The following CFI variants were observed in gnomAD, a reference collection of about 807,000 sequenced individuals.
CFI encodes the protein C3B/C4B inactivator.
A neutral mutation model predicts 78.8 loss-of-function variants in CFI; 66 were observed. The ratio of observed to expected loss-of-function variants is 0.84; its 90% CI spans 0.69 to 1.03. The LOEUF (loss-of-function observed/expected upper bound fraction) is 1.03. Ranked by LOEUF, CFI falls within the 50% of genes least tolerant of loss-of-function variation. CFI has a pLI of 0.00. For missense variants in CFI, 706 were observed against 704.5 expected, an observed-to-expected ratio of 1.00 and a Z score of -0.02; for synonymous variants, 250 against 232.6, an observed-to-expected ratio of 1.07 and a Z score of -0.68.
At chr4:109,790,881 C>T (rs537497000) in intron 1 of CFI, among the ~76,000 whole-genome samples, 12 of 152,144 alleles carry the variant, frequency 7.9e-5, no homozygotes, top group African/African-American at 2.4e-4. Flanking sequence ...CATGTCTTTG[C>T]TATTGTGAAT....
intron 5 of CFI, 56 bp from the exon 6 acceptor site, chr4:109,760,436 C>T (rs1056423109): frequency 1.0e-5 from 15 of 1,503,438 alleles, no homozygotes; most frequent in Non-Finnish European, 4.6e-6. Context: ...GAATGAGGTA[C>T]AATATAAAAT....
intron 1 of CFI, among the ~76,000 whole-genome samples, chr4:109,773,170 C>G (rs1313804055): frequency 6.6e-6 from 1 of 152,128 alleles, no homozygotes; most frequent in Non-Finnish European, 1.5e-5. Context: ...AATGCAGGGC[C>G]AACACATGTA....
At chr4:109,754,513 G>A (rs765485963) in intron 7 of CFI, among the ~76,000 whole-genome samples, 17 of 149,246 alleles carry the variant, frequency 1.1e-4, no homozygotes, top group African/African-American at 2.5e-4. Flanking sequence ...ACATTTCTGT[G>A]TTCTAGATTT....
chr4:109,791,737 G>T (rs754372567), intron 1 of CFI, among the ~76,000 whole-genome samples: 14 of 152,116 alleles, frequency 9.2e-5, no homozygotes, highest in Admixed American at 5.2e-4. Context: ...ATTTGTAGAA[G>T]ATCAGATACT....
At chr4:109,737,337 G>T (rs1298272662), downstream of CFI, among the ~76,000 whole-genome samples, 1 of 152,066 alleles carries the variant, frequency 6.6e-6, no homozygotes, top group Non-Finnish European at 1.5e-5. Context: ...ACACTGCAGG[G>T]CCTTTGCATT....
In CFI at chr4:109,761,720, G is replaced by A. The variant is rs111694154; in HGVS notation, c.483-28C>T. 3.0e-4 allele frequency: 475 copies of A among 1,569,104 alleles called. 1 individual carries two copies. The African/African-American group carries it at 5.1e-3, about 17-fold the overall frequency. The stretch of plus-strand genomic sequence containing the variant: ...GCAAATAGAATAAAGGAAACATTAT[G>A]GTAGAATAATTAGTACTTTGCATTT... On this transcript the variant is annotated intron_variant, in intron 3 of 12. Coordinates refer to ENST00000394634, the MANE Select transcript of CFI (RefSeq NM_000204.5).
chr4:109,769,430 C>G (rs4469075), intron 1 of CFI, among the ~76,000 whole-genome samples: 88,868 of 151,926 alleles, frequency 0.58, 27,888 homozygotes, highest in Non-Finnish European at 0.72. Flanking sequence ...TGTGATGGGT[C>G]CTTTCTGAGC....
intron 1 of CFI, among the ~76,000 whole-genome samples, chr4:109,790,619 T>C (rs1196677473): frequency 6.6e-6 from 1 of 152,138 alleles, no homozygotes; most frequent in African/African-American, 2.4e-5. Flanking sequence ...GCCCAGTGTG[T>C]CTGATAGGCC....
chr4:109,752,344 A>C, intron 8 of CFI, 124 bp downstream of exon 8: 1 of 817,690 alleles, frequency 1.2e-6, no homozygotes, highest in Non-Finnish European at 2.0e-6. Context: ...ATAATGTTAT[A>C]TTTTTTAATT....
intron 11 of CFI, 128 bp from the exon 12 acceptor site, chr4:109,742,723 C>G (rs1162514435): frequency 1.5e-6 from 1 of 666,690 alleles, no homozygotes; most frequent in Non-Finnish European, 2.6e-6. Context: ...TTTTTGAGAA[C>G]TCTTCCTTAG....
chr4:109,798,046 C>T (rs969515792), intron 1 of CFI, among the ~76,000 whole-genome samples: 3 of 152,004 alleles, frequency 2.0e-5, no homozygotes, highest in Non-Finnish European at 2.9e-5. Context: ...ATGGATGAAC[C>T]TAGAGGACAT....
chr4:109,739,889 A>G (rs1378421851), downstream of CFI, among the ~76,000 whole-genome samples: 1 of 152,176 alleles, frequency 6.6e-6, no homozygotes. Context: ...GTCTGACACC[A>G]TGGAGGTAGG....
the CFI span, among the ~76,000 whole-genome samples, chr4:109,733,486 G>A: frequency 6.6e-6 from 1 of 152,204 alleles, no homozygotes. Context: ...TTTGTGGTGG[G>A]CAGAAGCTGA....
chr4:109,760,424 T>G (rs747475434), intron 5 of CFI, 44 bp from the exon 6 acceptor site: 2 of 1,517,630 alleles, frequency 1.3e-6, no homozygotes, highest in South Asian at 2.2e-5. Flanking sequence ...TTCCTTAAAG[T>G]TGAATGAGGT....
chr4:109,788,455 T>C (rs1196283626), intron 1 of CFI, among the ~76,000 whole-genome samples: 1 of 152,110 alleles, frequency 6.6e-6, no homozygotes, highest in Non-Finnish European at 1.5e-5. Flanking sequence ...ATCTTCCGTA[T>C]GCTCAAATTT....
At chr4:109,754,807 C>A (rs1466261850) in intron 7 of CFI, among the ~76,000 whole-genome samples, 3 of 152,120 alleles carry the variant, frequency 2.0e-5, no homozygotes, top group South Asian at 4.1e-4. Context: ...CAATGCCCAA[C>A]AAAGGAAGAT....
At chr4:109,757,736 A>G (rs1377468658) in intron 7 of CFI, 27 bp downstream of exon 7, 3 of 1,372,074 alleles carry the variant, frequency 2.2e-6, no homozygotes, top group African/African-American at 2.9e-5. Context: ...ATTTTTTAAT[A>G]TCCCCAAATT....
Position 109,790,837 on chromosome 4 carries a change from C to G in CFI, c.57+11078G>C, listed in dbSNP as rs113616006. 9.1e-3 allele frequency among the ~76,000 whole-genome samples: 1,387 copies of G among 152,244 alleles called. 14 individuals carry two copies. The highest frequency in any genetic ancestry group is 0.032 in the African/African-American group (1,317 of 41,542). ...TGTATATGTACCACATTTTCTTTAT[C>G]CAGTCTACCATTGATGGGCATTTAA... is the stretch of plus-strand genomic sequence containing the variant. On this transcript the variant is annotated intron_variant, in intron 1 of 12. Transcript: ENST00000394634.
chr4:109,784,729 G>A (rs1423042682), intron 1 of CFI, among the ~76,000 whole-genome samples: 15 of 152,104 alleles, frequency 9.9e-5, no homozygotes, highest in Admixed American at 9.8e-4. Flanking sequence ...AAGACTACTT[G>A]AAATACAGAC....
Sources: gnomAD v4.1 joint callset for allele counts (sites outside exome capture counted in the v4.1 genomes callset) on GRCh38, gnomAD v4.1.1 for gene constraint, MANE v1.5 for transcripts, NCBI Gene and HGNC (gene_info 2026-07-23, HGNC 2026-07-21) for gene names.